The following SLC6A11 variants were observed in gnomAD, a reference collection of about 807,000 sequenced individuals.
The protein encoded by SLC6A11 is sodium- and chloride-dependent GABA transporter 3.
Under a neutral mutation model 74.8 loss-of-function variants are expected in SLC6A11, and 25 were observed. The ratio of observed to expected loss-of-function variants is 0.33; its 90% CI spans 0.24 to 0.47. The LOEUF (loss-of-function observed/expected upper bound fraction) is 0.47. SLC6A11 is among the 20% of genes least tolerant of loss of function. The probability of loss-of-function intolerance (pLI) is 1.00; values close to 1 mark genes in which losing one functional copy is unlikely to be tolerated. For synonymous variants in SLC6A11, 330 were observed against 330.2 expected (o/e 1.00, Z 0.01); for missense variants, 574 against 837.0 (o/e 0.69, Z 3.88).
At chr3:10,823,154 A>G in intron 3 of SLC6A11, 148 bp from the exon 4 acceptor site, 1 of 631,376 alleles carries the variant, frequency 1.6e-6, no homozygotes, top group East Asian at 2.8e-5. Context: ...TTTGTAAAGT[A>G]TTGATTTTCC....
chr3:10,921,888 A>G (rs1695541847), intron 8 of SLC6A11, among the ~76,000 whole-genome samples: 1 of 152,196 alleles, frequency 6.6e-6, no homozygotes, highest in African/African-American at 2.4e-5. Flanking sequence ...AAAGAGGAAC[A>G]CCTCATATTG....
chr3:10,817,159 C>T (rs1694074345), intron 1 of SLC6A11, among the ~76,000 whole-genome samples: 3 of 152,184 alleles, frequency 2.0e-5, no homozygotes, highest in Admixed American at 2.0e-4. Context: ...GGTTTCCTGC[C>T]TAGTCTTTCG....
chr3:10,891,902 T>C (rs1373709525), intron 6 of SLC6A11, among the ~76,000 whole-genome samples: 2 of 152,220 alleles, frequency 1.3e-5, no homozygotes, highest in Non-Finnish European at 2.9e-5. Context: ...TCTGTCCACC[T>C]CAAATGGCTG....
At chr3:10,838,042 G>A (rs1278867502) in intron 4 of SLC6A11, among the ~76,000 whole-genome samples, 4 of 152,224 alleles carry the variant, frequency 2.6e-5, no homozygotes, top group Non-Finnish European at 5.9e-5. Context: ...CTTTTAGGGC[G>A]GTCTCCAGGG....
At chr3:10,893,227 T>C (rs1417864797) in intron 6 of SLC6A11, among the ~76,000 whole-genome samples, 1 of 152,188 alleles carries the variant, frequency 6.6e-6, no homozygotes, top group Non-Finnish European at 1.5e-5. Context: ...CTTTAGTGAA[T>C]ACCTCAGAGA....
intron 6 of SLC6A11, among the ~76,000 whole-genome samples, chr3:10,882,448 G>A (rs900172945): frequency 2.0e-5 from 3 of 152,264 alleles, no homozygotes; most frequent in Non-Finnish European, 2.9e-5. Context: ...CATCGCAGAT[G>A]CCATTCAGTT....
At chr3:10,891,567 G>T (rs1016753105) in intron 6 of SLC6A11, among the ~76,000 whole-genome samples, 1 of 151,958 alleles carries the variant, frequency 6.6e-6, no homozygotes, top group East Asian at 1.9e-4. Context: ...AAGGTATTTG[G>T]CAAAGAACTC....
chr3:10,926,062 G>A lies in SLC6A11; in HGVS notation c.1179G>A (p.Pro393=), dbSNP rs140515744. The A allele has an allele frequency of 1.3e-4, 203 of 1,613,520 alleles. 1 individual carries two copies. The highest frequency in any genetic ancestry group is 4.0e-4 in the South Asian group (36 of 91,058). ...PKAVTMMPLS[P]LWATLFFMML... is the part of the protein sequence containing the mutation. ...CGGTCACCATGATGCCTCTCTCCCCGCTGTGGGCCACCTTGTTCTTCATGA... is the reference window on the plus strand; with the variant it reads ...CGGTCACCATGATGCCTCTCTCCCCACTGTGGGCCACCTTGTTCTTCATGA... Residue 393 remains proline (P), a synonymous_variant, in exon 9 of 14, where the codon CCG becomes CCA. Transcript: ENST00000254488. The surrounding 1 kb of genome is among the most constrained non-coding windows in gnomAD (Gnocchi z 5.7).
At position 10,847,805 on chromosome 3, in the gene SLC6A11, G is replaced by GC. The variant is rs3841959; in HGVS notation, c.756+3460dup. ...TTGCTTCACTTTGGAGACGAGCCCA[G>GC]CATCCAAAGGTTTTTTGGAGTTCTG... On this transcript the variant is annotated intron_variant, in intron 5 of 13. Transcript: ENST00000254488. 2.6e-5 allele frequency among the ~76,000 whole-genome samples: 4 copies of GC among 152,182 alleles called. No homozygotes were observed. In the East Asian group the frequency reaches 7.7e-4, roughly 29 times the overall value.
At chr3:10,834,547 G>A (rs1694341694) in intron 4 of SLC6A11, among the ~76,000 whole-genome samples, 1 of 152,012 alleles carries the variant, frequency 6.6e-6, no homozygotes, top group Non-Finnish European at 1.5e-5. Context: ...CCCGTCAGGA[G>A]CAGAATAACT....
chr3:10,874,262 T>C (rs1480717747), intron 5 of SLC6A11, among the ~76,000 whole-genome samples: 1 of 152,244 alleles, frequency 6.6e-6, no homozygotes. Flanking sequence ...TTCAGCTCTA[T>C]GTGTGCTGGA....
chr3:10,818,630 G>T (rs1271121333), intron 1 of SLC6A11, among the ~76,000 whole-genome samples: 1 of 152,134 alleles, frequency 6.6e-6, no homozygotes, highest in Non-Finnish European at 1.5e-5. Context: ...AGCACTTTCA[G>T]TTAAAGCCGT....
chr3:10,899,228 G>T (rs1695207756), intron 6 of SLC6A11, among the ~76,000 whole-genome samples: 1 of 152,134 alleles, frequency 6.6e-6, no homozygotes, highest in African/African-American at 2.4e-5. Flanking sequence ...GACTGTGCTT[G>T]GTTCCTTCTA....
chr3:10,923,609 A>T (rs1695564172), intron 8 of SLC6A11, among the ~76,000 whole-genome samples: 1 of 152,174 alleles, frequency 6.6e-6, no homozygotes, highest in Non-Finnish European at 1.5e-5. Flanking sequence ...GGAAATATCA[A>T]ATCACCATTA....
chr3:10,886,116 AG>A (rs982578567), intron 6 of SLC6A11, among the ~76,000 whole-genome samples: 32 of 152,358 alleles, frequency 2.1e-4, no homozygotes, highest in African/African-American at 7.5e-4. Context: ...CCCATCTCTC[AG>A]GATTGCAGTC....
intron 5 of SLC6A11, among the ~76,000 whole-genome samples, chr3:10,865,445 C>T (rs1027169243): frequency 1.4e-4 from 22 of 152,232 alleles, no homozygotes; most frequent in African/African-American, 4.8e-4. Flanking sequence ...GGGTGGATCA[C>T]GAGGTCAGGA....
chr3:10,883,836 A>G (rs1695010790), intron 6 of SLC6A11, among the ~76,000 whole-genome samples: 1 of 152,110 alleles, frequency 6.6e-6, no homozygotes, highest in African/African-American at 2.4e-5. Flanking sequence ...AAATATTGCA[A>G]AGTAGTGGCC....
intron 4 of SLC6A11, among the ~76,000 whole-genome samples, chr3:10,835,414 C>T (rs565031627): frequency 3.9e-5 from 6 of 152,302 alleles, no homozygotes; most frequent in African/African-American, 1.2e-4. Flanking sequence ...TTCACAGCTG[C>T]GGCAGTTCCT....
rs1694890278 is a variant in SLC6A11, at chr3:10,874,977, C to T, written c.773C>T (p.Ala258Val). 3.7e-6 allele frequency: 6 copies of T among 1,611,964 alleles called. No individual in the cohort carries two copies. The highest frequency in any genetic ancestry group is 1.7e-5 in the Admixed American group (1 of 59,816). The change falls in exon 6 of 14, where the codon GCG becomes GTG. Residue 258 changes from alanine (A) to valine (V), a missense_variant. Around this residue, in one of 4 missense-constraint regions of SLC6A11, gnomAD observed 215 missense variants for 357.9 expected, o/e 0.60. Coordinates refer to ENST00000254488, the MANE Select transcript of SLC6A11 (RefSeq NM_014229.3). ...TGTGCACAGGTTGTATACGTGACTGCGACATTCCCCTACATCATGCTGCTG... is the reference window on the plus strand; with the variant it reads ...TGTGCACAGGTTGTATACGTGACTGTGACATTCCCCTACATCATGCTGCTG... Reference protein sequence around the residue: ...KSTGKVVYVTATFPYIMLLIL... With the variant: ...KSTGKVVYVTVTFPYIMLLIL...
Sources: allele counts gnomAD v4.1 joint callset (sites outside exome capture counted in the v4.1 genomes callset), GRCh38; gene constraint gnomAD v4.1.1; regional missense constraint gnomAD v4.1.1; non-coding constraint Gnocchi (gnomAD v3.1); transcripts MANE v1.5; gene names NCBI Gene and HGNC (gene_info 2026-07-23, HGNC 2026-07-21).